Variants in ATXN2 observed in about 807,000 individuals in gnomAD.
ATXN2 encodes the protein ataxin 2, also known as ataxin-2.
In ATXN2, 37 loss-of-function variants were observed where a neutral mutation model predicts 138.6. The observed-to-expected ratio is 0.27, with a 90% CI of 0.21 to 0.35. The LOEUF (loss-of-function observed/expected upper bound fraction) is 0.35. ATXN2 is among the 10% of genes least tolerant of loss of function. The pLI is 1.00. For missense variants in ATXN2, 1,216 were observed against 1,480.3 expected (o/e 0.82, Z 2.93); for synonymous variants, 549 against 543.7 (o/e 1.01, Z -0.13).
At chr12:111,454,045 A>C (rs1565998908) in intron 23 of ATXN2, 200 bp from the exon 24 acceptor site, 3 of 536,942 alleles carry the variant, frequency 5.6e-6, no homozygotes, top group Non-Finnish European at 9.7e-6. Context: ...AGATCCTGCA[A>C]GGGTCAGGGA....
intron 1 of ATXN2, among the ~76,000 whole-genome samples, chr12:111,584,574 T>C (rs1333369173): frequency 2.0e-5 from 3 of 151,944 alleles, no homozygotes; most frequent in Non-Finnish European, 4.4e-5. Flanking sequence ...GGCTCACACC[T>C]GTAATCCCAG....
chr12:111,486,867 C>T (rs758130813), intron 15 of ATXN2, 43 bp from the exon 16 acceptor site: 42 of 1,522,688 alleles, frequency 2.8e-5, no homozygotes, highest in South Asian at 1.6e-4. Context: ...ATGGACTTTA[C>T]GTTGCTCTAA....
intron 14 of ATXN2, among the ~76,000 whole-genome samples, chr12:111,501,304 G>A (rs1878745166): frequency 6.6e-6 from 1 of 152,142 alleles, no homozygotes; most frequent in Admixed American, 6.5e-5. Context: ...ATTTAAGATG[G>A]CATCCTCTAC....
chr12:111,597,575 C>G (rs1425599042), intron 1 of ATXN2, among the ~76,000 whole-genome samples: 1 of 152,174 alleles, frequency 6.6e-6, no homozygotes. Context: ...CCTTTGAACA[C>G]TAAGCATTTT....
chr12:111,555,787 A>C (rs907850926), intron 2 of ATXN2, 96 bp downstream of exon 2: 25 of 1,068,892 alleles, frequency 2.3e-5, no homozygotes, highest in Non-Finnish European at 3.0e-5. Flanking sequence ...ACAAAATTCA[A>C]AAGAAGGGAA....
chr12:111,472,473 A>G (rs1022614534), intron 18 of ATXN2, among the ~76,000 whole-genome samples: 1 of 152,224 alleles, frequency 6.6e-6, no homozygotes, highest in Non-Finnish European at 1.5e-5. Context: ...GATGCAATGG[A>G]AGAGAAGTCC....
chr12:111,489,869 T>A (rs186544782), intron 14 of ATXN2, among the ~76,000 whole-genome samples: 2 of 152,004 alleles, frequency 1.3e-5, no homozygotes, highest in Non-Finnish European at 2.9e-5. Flanking sequence ...CAGAAAATGA[T>A]AGACTCGTCA....
intron 1 of ATXN2, among the ~76,000 whole-genome samples, chr12:111,589,212 G>A (rs1213586871): frequency 6.6e-6 from 1 of 151,704 alleles, no homozygotes; most frequent in Non-Finnish European, 1.5e-5. Flanking sequence ...CTACTCAGGA[G>A]GCTGAGGCAG....
At chr12:111,569,950 T>C (rs1041742193) in intron 1 of ATXN2, among the ~76,000 whole-genome samples, 7 of 152,316 alleles carry the variant, frequency 4.6e-5, no homozygotes, top group Admixed American at 3.9e-4. Flanking sequence ...TCCTATGTCA[T>C]GCTGTCCAAT....
At position 111,529,393 on chromosome 12, in the gene ATXN2, G is replaced by C. The variant is rs144850729; in HGVS notation, c.572-4077C>G. Among the ~76,000 whole-genome samples, 223 of 152,310 alleles carry C rather than the reference G, an allele frequency of 1.5e-3. 2 individuals are homozygous for C. The Middle Eastern group carries it at 0.037, about 26-fold the overall frequency. ...TGTTTCTGAAGGAACTACAGGTATA[G>C]AGAGAAAAAAGGAAAAACATAAAAA... On this transcript the variant is annotated intron_variant, in intron 5 of 24. Transcript: ENST00000673436.
In ATXN2 at chr12:111,516,121, A is replaced by C. The variant is rs1566036868; in HGVS notation, c.1375+33T>G. The C allele has an allele frequency of 6.4e-7, 1 of 1,570,646 alleles. No homozygotes were observed. The highest frequency in any genetic ancestry group is 1.9e-5 in the Admixed American group (1 of 53,300). On this transcript the variant is annotated intron_variant, in intron 10 of 24. Transcript: ENST00000673436. The surrounding 1 kb of genome is among the most constrained non-coding windows in gnomAD (Gnocchi z 5.0). ...ACTCACATAGGAGTTAAACAAAGAC[A>C]AACAAAAACATGAACAAATTGTGGT...
At chr12:111,599,620 G>A (rs533026848), upstream of ATXN2, 93 of 1,077,414 alleles carry the variant, frequency 8.6e-5, no homozygotes, top group Non-Finnish European at 8.9e-5. Flanking sequence ...AGGTGGCCCC[G>A]GGGCCGGGAG....
chr12:111,593,146 G>A (rs1884763723), intron 1 of ATXN2, among the ~76,000 whole-genome samples: 1 of 152,066 alleles, frequency 6.6e-6, no homozygotes, highest in East Asian at 1.9e-4. Flanking sequence ...GTAATGGCAT[G>A]ATCTCAGCTC....
In ATXN2 at chr12:111,488,628, G is replaced by C; in HGVS notation, c.2088C>G (p.Ser696Arg). 6.2e-7 allele frequency: 1 copy of C among 1,614,158 alleles called. No homozygotes were observed. Among genetic ancestry groups the C allele is most frequent in the Non-Finnish European group, 8.5e-7 (1 of 1,180,028 alleles). ...AAATGCTGGGGCTATTCGGCTTGCT[G>C]CTGCCACTGGTACAGTTGCTGCTGC... ...ENSSSNCTSGSSKPNSPSISP... is the reference protein window; with the variant it reads ...ENSSSNCTSGRSKPNSPSISP... The change falls in exon 15 of 25, where the codon AGC becomes AGG. Residue 696 changes from serine (S) to arginine (R), a missense_variant. This residue lies in a region of ATXN2 where 490 missense variants were observed against 653.5 expected (regional missense o/e 0.75). Transcript: ENST00000673436.
At chr12:111,575,347 A>C (rs1883578201) in intron 1 of ATXN2, among the ~76,000 whole-genome samples, 1 of 151,908 alleles carries the variant, frequency 6.6e-6, no homozygotes, top group Non-Finnish European at 1.5e-5. Context: ...GCCATCCCCC[A>C]TTAATTAAAA....
At chr12:111,488,349 C>T in intron 15 of ATXN2, 127 bp downstream of exon 15, 1 of 956,252 alleles carries the variant, frequency 1.0e-6, no homozygotes, top group Non-Finnish European at 1.5e-6. Context: ...TGTTTGTAAA[C>T]TAAGGGCAAT....
chr12:111,568,899 G>A (rs111687409), intron 1 of ATXN2, among the ~76,000 whole-genome samples: 16 of 152,224 alleles, frequency 1.1e-4, no homozygotes, highest in African/African-American at 3.1e-4. Context: ...CCTATACCAC[G>A]TATTGAATAT....
chr12:111,476,739 G>C (rs1876841018), intron 18 of ATXN2, among the ~76,000 whole-genome samples: 1 of 152,060 alleles, frequency 6.6e-6, no homozygotes. Flanking sequence ...TGAAACTTAA[G>C]ACTTAAATAA....
intron 6 of ATXN2, 38 bp from the exon 7 acceptor site, chr12:111,521,011 G>A: frequency 7.6e-7 from 1 of 1,323,934 alleles, no homozygotes; most frequent in Non-Finnish European, 1.1e-6. Flanking sequence ...AAATGTCAAA[G>A]TAGTTGTTCC....
Sources: allele counts gnomAD v4.1 joint callset (sites outside exome capture counted in the v4.1 genomes callset), GRCh38; gene constraint gnomAD v4.1.1; regional missense constraint gnomAD v4.1.1; non-coding constraint Gnocchi (gnomAD v3.1); transcripts MANE v1.5; gene names NCBI Gene and HGNC (gene_info 2026-07-23, HGNC 2026-07-21).